EZR: variants seen among roughly 807,000 people sequenced by gnomAD.
The protein encoded by EZR is cytovillin 2.
In EZR, 40 loss-of-function variants were observed where a neutral mutation model predicts 74.8. The ratio of observed to expected loss-of-function variants is 0.53; its 90% CI spans 0.42 to 0.70. EZR has a LOEUF of 0.70. Ranked by LOEUF, EZR falls within the 30% of genes least tolerant of loss-of-function variation. The pLI, the probability that EZR is intolerant of heterozygous loss-of-function variation, is 0.00. For synonymous variants in EZR, 341 were observed against 283.3 expected, an observed-to-expected ratio of 1.20 and a Z score of -2.05; for missense variants, 678 against 755.8, an observed-to-expected ratio of 0.90 and a Z score of 1.21.
At chr6:158,776,325 C>G in intron 8 of EZR, 83 bp downstream of exon 8, 1 of 1,138,388 alleles carries the variant, frequency 8.8e-7, no homozygotes, top group Middle Eastern at 2.0e-4. Flanking sequence ...ACTGGCTACT[C>G]GTCACAGTAT....
chr6:158,803,061 C>T (rs1207285605), intron 2 of EZR, among the ~76,000 whole-genome samples: 1 of 152,016 alleles, frequency 6.6e-6, no homozygotes, highest in Non-Finnish European at 1.5e-5. Flanking sequence ...CTTTTCTAAA[C>T]TGTTCTCCTT....
chr6:158,781,070 A>T (rs1791420726), intron 7 of EZR, among the ~76,000 whole-genome samples: 1 of 152,156 alleles, frequency 6.6e-6, no homozygotes, highest in Admixed American at 6.5e-5. Context: ...TATTCAATAG[A>T]TCAGCTTTCT....
chr6:158,774,953 G>GC (rs570722551), intron 8 of EZR, among the ~76,000 whole-genome samples: 100 of 151,368 alleles, frequency 6.6e-4, no homozygotes, highest in Non-Finnish European at 1.1e-3. Flanking sequence ...CTTAGAGTCT[G>GC]CATTCAATAC....
At position 158,770,865 on chromosome 6, in the gene EZR, CTCCTT is replaced by C; in HGVS notation, c.984_988del (p.Arg330AsnfsTer24). 6.2e-7 allele frequency: 1 copy of C among 1,614,244 alleles called. No individual in the cohort carries two copies. The highest frequency in any genetic ancestry group is 1.7e-5 in the Admixed American group (1 of 60,030). On this transcript the variant is annotated frameshift_variant, in exon 10 of 14. Transcript: ENST00000367075. LOFTEE classifies it high-confidence loss of function. The stretch of plus-strand genomic sequence containing the variant: ...CTCTTTCTCTCTCTCCACGGTTTCT[CTCCTT>C]TTCTTCTCTGTTTCCAGCTGTTGCC...
chr6:158,817,143 C>CA (rs1007017239), intron 2 of EZR, among the ~76,000 whole-genome samples: 15 of 150,760 alleles, frequency 9.9e-5, no homozygotes, highest in African/African-American at 2.4e-4. Flanking sequence ...TTTGAAAAAC[C>CA]AAAAAAAAAT....
rs1790861826 is a variant in EZR at position 158,766,608 on chromosome 6, TG to T, written c.*305del. On this transcript the variant is annotated 3_prime_UTR_variant, in exon 14 of 14. Transcript: ENST00000367075. The stretch of plus-strand genomic sequence containing the variant: ...GACTCTTGTATCACACAGGCCAGCA[TG>T]AAGTTTCTTACTCAGACTTTACAGG... 3.0e-6 allele frequency: 1 copy of T among 330,222 alleles called. No individual in the cohort carries two copies. Among genetic ancestry groups the T allele is most frequent in the Non-Finnish European group, 5.5e-6 (1 of 181,380 alleles). 20.5% of individuals were successfully genotyped at this position (330,222 alleles called of 1,614,324 possible). A position where few individuals can be genotyped will look rare whatever the true frequency, so the allele number is the denominator to read the frequency against.
intron 2 of EZR, among the ~76,000 whole-genome samples, chr6:158,801,504 A>T (rs576468359): frequency 1.3e-5 from 2 of 152,346 alleles, no homozygotes; most frequent in Admixed American, 1.3e-4. Flanking sequence ...TGTAACAAAA[A>T]TTGTCACATA....
chr6:158,803,347 CCTT>C (rs1473324778), intron 2 of EZR, among the ~76,000 whole-genome samples: 1 of 150,794 alleles, frequency 6.6e-6, no homozygotes, highest in Non-Finnish European at 1.5e-5. Flanking sequence ...CGTCTGATGA[CCTT>C]TTTTTAATGG....
chr6:158,780,163 A>T (rs1325421286), intron 7 of EZR, among the ~76,000 whole-genome samples: 2 of 147,228 alleles, frequency 1.4e-5, no homozygotes, highest in African/African-American at 5.1e-5. Context: ...ACCCTGGGTG[A>T]CACAGTGAGA....
intron 10 of EZR, 60 bp from the exon 11 acceptor site, chr6:158,770,004 G>T (rs1016770319): frequency 1.3e-6 from 2 of 1,583,304 alleles, no homozygotes; most frequent in Non-Finnish European, 1.7e-6. Context: ...AGGAGCCCTC[G>T]CTTTCCATTC....
intron 12 of EZR, among the ~76,000 whole-genome samples, chr6:158,768,191 G>GC (rs1554271096): frequency 1.3e-5 from 2 of 151,854 alleles, no homozygotes; most frequent in Non-Finnish European, 1.5e-5. Flanking sequence ...TGGGTTCTGA[G>GC]CAAGAGCTGA....
At chr6:158,781,186 C>T (rs1009791869) in intron 7 of EZR, among the ~76,000 whole-genome samples, 1 of 152,130 alleles carries the variant, frequency 6.6e-6, no homozygotes, top group Non-Finnish European at 1.5e-5. Context: ...TCAGGACAGT[C>T]TCCTGCTTAT....
chr6:158,818,871 G>A (rs1195560275), intron 1 of EZR, among the ~76,000 whole-genome samples: 2 of 149,618 alleles, frequency 1.3e-5, no homozygotes, highest in East Asian at 2.0e-4. Flanking sequence ...TCGCTGGGGA[G>A]GGATCCGTGG....
intron 2 of EZR, among the ~76,000 whole-genome samples, chr6:158,805,928 G>A (rs980806961): frequency 1.3e-5 from 2 of 152,158 alleles, no homozygotes; most frequent in Non-Finnish European, 2.9e-5. Flanking sequence ...GCCCTACCCA[G>A]TAGATGCCCC....
At chr6:158,774,089 G>A (rs965384400) in intron 8 of EZR, among the ~76,000 whole-genome samples, 4 of 152,198 alleles carry the variant, frequency 2.6e-5, no homozygotes, top group African/African-American at 7.2e-5. Flanking sequence ...AAGATGACCC[G>A]TGAAAGTCAA....
intron 3 of EZR, chr6:158,788,286 G>A (rs1032818247): frequency 6.6e-6 from 1 of 152,184 alleles, no homozygotes; most frequent in Admixed American, 6.5e-5. Context: ...AGCTCTAGAA[G>A]TCTGTTTATT....
At chr6:158,787,969 C>T (rs1046081424) in intron 3 of EZR, among the ~76,000 whole-genome samples, 5 of 152,182 alleles carry the variant, frequency 3.3e-5, no homozygotes, top group African/African-American at 9.7e-5. Flanking sequence ...CAGTGATAGT[C>T]GAACTTGCTG....
intron 2 of EZR, among the ~76,000 whole-genome samples, chr6:158,814,753 G>A (rs527626013): frequency 2.0e-5 from 3 of 152,142 alleles, no homozygotes; most frequent in Non-Finnish European, 4.4e-5. Flanking sequence ...ATGTTGACCA[G>A]GATAGTCTTG....
At chr6:158,808,935 C>T (rs1777397143) in intron 2 of EZR, among the ~76,000 whole-genome samples, 1 of 152,158 alleles carries the variant, frequency 6.6e-6, no homozygotes, top group Non-Finnish European at 1.5e-5. Context: ...TGAGACCAGC[C>T]TGCACAAAAC....
Sources: gnomAD v4.1 joint callset for allele counts (sites outside exome capture counted in the v4.1 genomes callset) on GRCh38, gnomAD v4.1.1 for gene constraint, MANE v1.5 for transcripts, NCBI Gene and HGNC (gene_info 2026-07-23, HGNC 2026-07-21) for gene names.